JPH2: variants seen among roughly 807,000 people sequenced by gnomAD.
The protein encoded by JPH2 is junctophilin 2.
Under a neutral mutation model 55.9 loss-of-function variants are expected in JPH2, and 38 were observed. That is an observed-to-expected ratio of 0.68 (90% CI 0.52 to 0.89). The LOEUF is 0.89. Ranked by LOEUF, JPH2 falls within the 40% of genes least tolerant of loss-of-function variation. The probability of loss-of-function intolerance (pLI) is 0.00; values close to 1 mark genes in which losing one functional copy is unlikely to be tolerated. For synonymous variants in JPH2, 480 were observed against 472.4 expected (o/e 1.02, Z -0.21); for missense variants, 964 against 1,037.6 (o/e 0.93, Z 0.97).
chr20:44,138,581 C>A (rs978087472), intron 2 of JPH2, among the ~76,000 whole-genome samples: 4 of 151,928 alleles, frequency 2.6e-5, no homozygotes, highest in African/African-American at 9.7e-5. Flanking sequence ...TGGGTTCTCA[C>A]CATATTGCCC....
chr20:44,154,520 T>C (rs1169477601), intron 2 of JPH2, among the ~76,000 whole-genome samples: 1 of 152,226 alleles, frequency 6.6e-6, no homozygotes, highest in East Asian at 1.9e-4. Context: ...TTTCAATCCA[T>C]AGCTCATTTT....
chr20:44,150,010 A>G (rs2072520807), intron 2 of JPH2, among the ~76,000 whole-genome samples: 1 of 151,624 alleles, frequency 6.6e-6, no homozygotes, highest in African/African-American at 2.4e-5. Flanking sequence ...GTTCATGCTA[A>G]CCGGACATTA....
At chr20:44,117,140 A>G (rs1218441065) in intron 3 of JPH2, among the ~76,000 whole-genome samples, 2 of 152,108 alleles carry the variant, frequency 1.3e-5, no homozygotes, top group South Asian at 4.1e-4. Flanking sequence ...TTAGCTGGGC[A>G]TGGTGGCGCG....
chr20:44,165,144 C>T (rs143878546), intron 1 of JPH2, among the ~76,000 whole-genome samples: 62 of 152,292 alleles, frequency 4.1e-4, no homozygotes, highest in African/African-American at 1.0e-3. Context: ...GCCAAATGTT[C>T]TGCATTTGAA....
intron 2 of JPH2, among the ~76,000 whole-genome samples, chr20:44,130,502 G>A (rs2072310177): frequency 6.6e-6 from 1 of 152,240 alleles, no homozygotes; most frequent in African/African-American, 2.4e-5. Context: ...AGATCTGGCT[G>A]CACTTTGGCA....
At position 44,118,641 on chromosome 20, in the gene JPH2, C is replaced by G; in HGVS notation, c.1170-18G>C. 1.9e-6 allele frequency: 3 copies of G among 1,587,004 alleles called. No individual in the cohort carries two copies. The highest frequency in any genetic ancestry group is 2.6e-6 in the Non-Finnish European group (3 of 1,162,958). On this transcript the variant is annotated intron_variant, in intron 2 of 5. Coordinates refer to ENST00000372980, the MANE Select transcript of JPH2 (RefSeq NM_020433.5). ...GGCTTGTCCTATGGAGACAATGTGG[C>G]AGAAGACTCAGGATCCTTCCAGAGA...
intron 2 of JPH2, among the ~76,000 whole-genome samples, chr20:44,135,146 C>A (rs969569): frequency 2.0e-5 from 3 of 151,176 alleles, no homozygotes; most frequent in East Asian, 1.9e-4. Context: ...CGGATGTAAA[C>A]GTTCCTTCTT....
intron 1 of JPH2, among the ~76,000 whole-genome samples, chr20:44,162,993 A>G (rs2072626758): frequency 6.6e-6 from 1 of 151,638 alleles, no homozygotes. Context: ...CAAAATTGCA[A>G]TCTGCCTGCA....
intron 1 of JPH2, among the ~76,000 whole-genome samples, chr20:44,166,726 G>A (rs938624780): frequency 6.6e-6 from 1 of 152,202 alleles, no homozygotes; most frequent in African/African-American, 2.4e-5. Context: ...AGACAGGACA[G>A]TTCTCCCTGG....
chr20:44,158,826 G>A (rs571862108), intron 2 of JPH2, among the ~76,000 whole-genome samples: 122 of 152,262 alleles, frequency 8.0e-4, no homozygotes, highest in African/African-American at 2.9e-3. Context: ...AAGTGTCGCT[G>A]GGTGGATAAA....
intron 2 of JPH2, among the ~76,000 whole-genome samples, chr20:44,142,577 GTC>G (rs1251930110): frequency 6.6e-6 from 1 of 152,162 alleles, no homozygotes; most frequent in Non-Finnish European, 1.5e-5. Flanking sequence ...TCAGCTCCGT[GTC>G]TCTGCTTCAA....
At chr20:44,138,973 G>A (rs929818670) in intron 2 of JPH2, among the ~76,000 whole-genome samples, 3 of 152,108 alleles carry the variant, frequency 2.0e-5, no homozygotes, top group South Asian at 2.1e-4. Flanking sequence ...CTGCCACACC[G>A]CTGTGCCTTT....
At chr20:44,150,852 C>G (rs573399901) in intron 2 of JPH2, among the ~76,000 whole-genome samples, 9 of 152,070 alleles carry the variant, frequency 5.9e-5, no homozygotes, top group Admixed American at 3.9e-4. Flanking sequence ...ATAGCAAGAC[C>G]TCGTCTCTAC....
chr20:44,162,787 T>TATAC (rs1311653754), intron 1 of JPH2, among the ~76,000 whole-genome samples: 37 of 40,994 alleles, frequency 9.0e-4, no homozygotes, highest in Non-Finnish European at 1.2e-3. Flanking sequence ...TATATATATA[T>TATAC]ACACACACAC....
Position 44,187,009 on chromosome 20 carries a change from C to A in JPH2, c.-304G>T. 1 of 478,010 alleles carries A rather than the reference C, an allele frequency of 2.1e-6. No homozygotes were observed. The highest frequency in any genetic ancestry group is 3.8e-6 in the Non-Finnish European group (1 of 264,338). 29.6% of individuals were successfully genotyped at this position (478,010 alleles called of 1,614,324 possible). A position where few individuals can be genotyped will look rare whatever the true frequency, so the allele number is the denominator to read the frequency against. ...CCACAAAGCGTCCCAAGTCTGCCTTCCAAGAAGTCCAAGGGAAAACGGTGT... is the reference window on the plus strand; with the variant it reads ...CCACAAAGCGTCCCAAGTCTGCCTTACAAGAAGTCCAAGGGAAAACGGTGT... On this transcript the variant is annotated 5_prime_UTR_variant, in exon 1 of 6. Coordinates refer to ENST00000372980, the MANE Select transcript of JPH2 (RefSeq NM_020433.5).
Position 44,186,881 on chromosome 20 carries a change from G to T in JPH2, c.-176C>A. On this transcript the variant is annotated 5_prime_UTR_variant, in exon 1 of 6. In the 5' UTR this introduces an upstream ATG that the reference lacks. Coordinates refer to ENST00000372980, the MANE Select transcript of JPH2 (RefSeq NM_020433.5). ...CTGAAAGAGCCCCGGCGCCAAGTCA[G>T]CACCGGGTCGGCTAGTCAGTGCCAT... 1 of 653,364 alleles carries T rather than the reference G, an allele frequency of 1.5e-6. No homozygotes were observed. Among genetic ancestry groups the T allele is most frequent in the Non-Finnish European group, 2.6e-6 (1 of 382,728 alleles). The allele number at this position is 653,364 out of a possible 1,614,324, so 40.5% of individuals were successfully genotyped here. A position where few individuals can be genotyped will look rare whatever the true frequency, so the allele number is the denominator to read the frequency against.
intron 2 of JPH2, among the ~76,000 whole-genome samples, chr20:44,157,694 T>A (rs993405473): frequency 1.3e-5 from 2 of 152,122 alleles, no homozygotes; most frequent in South Asian, 2.1e-4. Flanking sequence ...GAAATGGCGG[T>A]GCCACAGATG....
At chr20:44,120,179 C>T (rs1336193202) in intron 2 of JPH2, among the ~76,000 whole-genome samples, 1 of 152,152 alleles carries the variant, frequency 6.6e-6, no homozygotes, top group Non-Finnish European at 1.5e-5. Context: ...GGGAATCTAA[C>T]CTACACCGTC....
intron 1 of JPH2, among the ~76,000 whole-genome samples, chr20:44,185,226 G>C (rs908976304): frequency 1.3e-5 from 2 of 152,302 alleles, no homozygotes; most frequent in African/African-American, 4.8e-5. Context: ...AGGATTGCTT[G>C]AGCCCAGGAG....
Sources: gnomAD v4.1 joint callset for allele counts (sites outside exome capture counted in the v4.1 genomes callset) on GRCh38, gnomAD v4.1.1 for gene constraint, MANE v1.5 for transcripts, NCBI Gene and HGNC (gene_info 2026-07-23, HGNC 2026-07-21) for gene names.